SSBP3: variants seen among roughly 807,000 people sequenced by gnomAD.
SSBP3 encodes single stranded DNA binding protein 3.
Under a neutral mutation model 69.6 loss-of-function variants are expected in SSBP3, and 5 were observed. That is an observed-to-expected ratio of 0.07 (90% CI 0.04 to 0.15). The LOEUF is 0.15. Among genes scored for constraint, SSBP3 ranks in the 10% least tolerant of loss-of-function variants. The pLI is 1.00. For missense variants in SSBP3, 312 were observed against 534.0 expected (o/e 0.58, Z 4.10); for synonymous variants, 196 against 193.4 (o/e 1.01, Z -0.11).
intron 13 of SSBP3, among the ~76,000 whole-genome samples, chr1:54,239,831 G>A (rs765082146): frequency 2.0e-5 from 3 of 152,310 alleles, no homozygotes; most frequent in African/African-American, 2.4e-5. Flanking sequence ...ATGGGGAGCC[G>A]AGGAGGGGGC....
intron 4 of SSBP3, among the ~76,000 whole-genome samples, chr1:54,327,299 C>T (rs1284676126): frequency 1.3e-5 from 2 of 151,000 alleles, no homozygotes; most frequent in African/African-American, 2.5e-5. Flanking sequence ...CAACAAAAAA[C>T]CCCCCAAAAA....
intron 4 of SSBP3, among the ~76,000 whole-genome samples, chr1:54,312,344 C>T (rs1015792493): frequency 6.6e-6 from 1 of 151,274 alleles, no homozygotes; most frequent in Non-Finnish European, 1.5e-5. Context: ...AATCCCAGCA[C>T]TTTGGGAGGC....
At chr1:54,395,561 T>C (rs1272136501) in intron 4 of SSBP3, among the ~76,000 whole-genome samples, 4 of 152,018 alleles carry the variant, frequency 2.6e-5, no homozygotes, top group African/African-American at 9.7e-5. Flanking sequence ...GGGTGAGACA[T>C]GACAGCAGGG....
At chr1:54,239,846 G>A (rs547746438) in intron 13 of SSBP3, among the ~76,000 whole-genome samples, 19 of 152,298 alleles carry the variant, frequency 1.2e-4, no homozygotes, top group Non-Finnish European at 2.5e-4. Flanking sequence ...GGGGGCGGGG[G>A]AGAGTCCCCT....
At chr1:54,360,257 AG>A (rs1264057573) in intron 4 of SSBP3, among the ~76,000 whole-genome samples, 1 of 152,218 alleles carries the variant, frequency 6.6e-6, no homozygotes, top group African/African-American at 2.4e-5. Context: ...AAGCTTAGGG[AG>A]GAAGAGGAAA....
intron 4 of SSBP3, among the ~76,000 whole-genome samples, chr1:54,385,064 G>A (rs1288938704): frequency 6.6e-6 from 1 of 152,122 alleles, no homozygotes; most frequent in East Asian, 1.9e-4. Flanking sequence ...AGAGCAAACC[G>A]CAGGCCAGGA....
At chr1:54,383,629 C>T (rs1350775298) in intron 4 of SSBP3, among the ~76,000 whole-genome samples, 1 of 152,134 alleles carries the variant, frequency 6.6e-6, no homozygotes, top group African/African-American at 2.4e-5. Context: ...TCGCCACCAA[C>T]CCTGAATTAC....
rs114195865 is a variant in SSBP3, at chr1:54,286,013, G to A, written c.277-4486C>T. Reference sequence around the variant, plus strand: ...CAGCTAAGTCTACACACCAAGGGGAGCTAGGTCTGGAAACAGCAGCTCTTC... The same window carrying A: ...CAGCTAAGTCTACACACCAAGGGGAACTAGGTCTGGAAACAGCAGCTCTTC... On this transcript the variant is annotated intron_variant, in intron 4 of 17. Coordinates refer to ENST00000610401, the Ensembl canonical transcript of SSBP3. 7.6e-3 allele frequency among the ~76,000 whole-genome samples: 1,161 copies of A among 152,278 alleles called. 14 individuals carry two copies. Among genetic ancestry groups the A allele is most frequent in the African/African-American group, 0.027 (1,101 of 41,542 alleles).
intron 9 of SSBP3, among the ~76,000 whole-genome samples, chr1:54,251,063 C>A (rs1644820510): frequency 6.6e-6 from 1 of 152,212 alleles, no homozygotes; most frequent in Non-Finnish European, 1.5e-5. Context: ...GCCAGCGTGG[C>A]CCCCTCCCAC....
intron 4 of SSBP3, among the ~76,000 whole-genome samples, chr1:54,360,120 T>A (rs1192822665): frequency 6.6e-6 from 1 of 152,256 alleles, no homozygotes; most frequent in Non-Finnish European, 1.5e-5. Flanking sequence ...CTCTCGGTTT[T>A]GGAATCAATT....
chr1:54,267,355 G>T (rs1388284348), intron 5 of SSBP3, among the ~76,000 whole-genome samples: 1 of 152,232 alleles, frequency 6.6e-6, no homozygotes, highest in African/African-American at 2.4e-5. Flanking sequence ...CTGGGCACTA[G>T]GTCCCAGTAC....
At chr1:54,232,419 GCTT>G (rs1570186291) in intron 14 of SSBP3, among the ~76,000 whole-genome samples, 1 of 152,212 alleles carries the variant, frequency 6.6e-6, no homozygotes, top group South Asian at 2.1e-4. Flanking sequence ...ACTGCACCTG[GCTT>G]ATTATTTATG....
intron 4 of SSBP3, among the ~76,000 whole-genome samples, chr1:54,297,935 A>C (rs941051700): frequency 6.6e-6 from 1 of 152,138 alleles, no homozygotes; most frequent in African/African-American, 2.4e-5. Context: ...CAGATGTTCC[A>C]TCAGATCCCT....
chr1:54,312,886 G>C (rs1467617209), intron 4 of SSBP3, among the ~76,000 whole-genome samples: 1 of 152,182 alleles, frequency 6.6e-6, no homozygotes, highest in Non-Finnish European at 1.5e-5. Context: ...TCCTGGAAAT[G>C]TCTCTTCCAC....
At chr1:54,234,097 T>G (rs1403079689) in intron 14 of SSBP3, among the ~76,000 whole-genome samples, 1 of 151,448 alleles carries the variant, frequency 6.6e-6, no homozygotes, top group African/African-American at 2.4e-5. Context: ...CAGGGTTAAA[T>G]GGATTAAGGG....
chr1:54,245,410 C>A (rs540050000), intron 9 of SSBP3, among the ~76,000 whole-genome samples: 1 of 152,110 alleles, frequency 6.6e-6, no homozygotes, highest in Non-Finnish European at 1.5e-5. Context: ...AAGAAACTGG[C>A]GGGAGGCGGG....
chr1:54,397,790 T>C (rs766788080), intron 4 of SSBP3, among the ~76,000 whole-genome samples: 4 of 152,170 alleles, frequency 2.6e-5, no homozygotes, highest in African/African-American at 4.8e-5. Context: ...AAGTCCCCTT[T>C]ATGAGGGCTT....
intron 4 of SSBP3, among the ~76,000 whole-genome samples, chr1:54,376,119 CCTGGACCCCCTCCTCCTCCCTTAGTCT>C (rs1367974542): frequency 6.6e-6 from 1 of 152,062 alleles, no homozygotes; most frequent in Non-Finnish European, 1.5e-5. Context: ...GCCATCCACT[CCTGGACCCCCTCCTCCTCCCTTAGTCT>C]CTGGTCTCCC....
intron 4 of SSBP3, among the ~76,000 whole-genome samples, chr1:54,354,575 G>A (rs1017202200): frequency 1.3e-5 from 2 of 152,130 alleles, no homozygotes; most frequent in African/African-American, 2.4e-5. Flanking sequence ...AAGACCTGCT[G>A]GGCCTCTAAC....
Sources: allele counts gnomAD v4.1 joint callset (sites outside exome capture counted in the v4.1 genomes callset), GRCh38; gene constraint gnomAD v4.1.1; transcripts MANE v1.5; gene names NCBI Gene and HGNC (gene_info 2026-07-23, HGNC 2026-07-21).